CAST: variants seen among roughly 807,000 people sequenced by gnomAD.
The protein encoded by CAST is calpastatin, also known as MIR583 host.
A neutral mutation model predicts 119.6 loss-of-function variants in CAST; 76 were observed. The observed-to-expected ratio is 0.64, with a 90% CI of 0.53 to 0.77. The LOEUF (loss-of-function observed/expected upper bound fraction) is 0.77. CAST is among the 30% of genes least tolerant of loss of function. The pLI is 0.00. For missense variants in CAST, 953 were observed against 946.5 expected (o/e 1.01, Z -0.09); for synonymous variants, 319 against 331.6 (o/e 0.96, Z 0.41).
At chr5:96,320,648 A>T in the CAST span, among the ~76,000 whole-genome samples, 110 of 152,324 alleles carry the variant, frequency 7.2e-4, 1 homozygote, top group Non-Finnish European at 1.6e-4. Context: ...AATATAGGCT[A>T]AATTCAAGAT....
the CAST span, among the ~76,000 whole-genome samples, chr5:96,183,766 T>A: frequency 2.0e-5 from 3 of 152,240 alleles, no homozygotes; most frequent in African/African-American, 7.2e-5. Context: ...ACATATTGAA[T>A]AATTGTCAAA....
At chr5:96,439,604 C>A in the CAST span, among the ~76,000 whole-genome samples, 1 of 152,162 alleles carries the variant, frequency 6.6e-6, no homozygotes. Flanking sequence ...TGTCACCCAG[C>A]AAAGAGACTG....
chr5:96,220,768 T>G, the CAST span, among the ~76,000 whole-genome samples: 1 of 152,224 alleles, frequency 6.6e-6, no homozygotes, highest in Non-Finnish European at 1.5e-5. Flanking sequence ...GTTGGCTATT[T>G]AGTGAGACTA....
At chr5:96,095,819 T>A in the CAST span, among the ~76,000 whole-genome samples, 2 of 151,114 alleles carry the variant, frequency 1.3e-5, no homozygotes, top group Admixed American at 1.3e-4. Flanking sequence ...GACATAACAT[T>A]AAAAAAAAAT....
At chr5:96,385,470 C>A in the CAST span, among the ~76,000 whole-genome samples, 1,101 of 152,302 alleles carry the variant, frequency 7.2e-3, 11 homozygotes, top group African/African-American at 0.026. Context: ...ACTGTACAAC[C>A]TTTGGCAAAT....
At position 96,741,537 on chromosome 5, in the gene CAST, G is replaced by C. The variant is rs1385687480; in HGVS notation, c.1055G>C (p.Arg352Thr). The C allele has an allele frequency of 6.2e-7, 1 of 1,613,832 alleles. No individual in the cohort carries two copies. The highest frequency in any genetic ancestry group is 1.1e-5 in the South Asian group (1 of 91,048). Residue 352 changes from arginine to threonine, a missense_variant, in exon 15 of 32, where the codon AGA becomes ACA. By Grantham distance (71) the Arg-to-Thr change is moderately conservative. Transcript: ENST00000675179. ...AAAGCTCAGTCAGCAGGGACAGTCAGAAGTGCTGCTCCACCCCAAGAGAAG... is the reference window on the plus strand; with the variant it reads ...AAAGCTCAGTCAGCAGGGACAGTCACAAGTGCTGCTCCACCCCAAGAGAAG... ...VLKAQSAGTV[R>T]SAAPPQEKKR... is the part of the protein sequence containing the mutation.
Position 96,710,788 on chromosome 5 carries a change from T to C in CAST, c.211-11851T>C, listed in dbSNP as rs112906010. 4.3e-3 allele frequency among the ~76,000 whole-genome samples: 652 copies of C among 152,268 alleles called. 11 individuals are homozygous for C. Among genetic ancestry groups the C allele is most frequent in the African/African-American group, 0.015 (616 of 41,544 alleles). On this transcript the variant is annotated intron_variant, in intron 3 of 31. Transcript: ENST00000675179. ...AAAACTAAATATCTTCCACATGATA[T>C]CTTACTCTAACCTTGAGTTTTTAAT... is the stretch of plus-strand genomic sequence containing the variant.
At chr5:95,992,406 C>A in the CAST span, among the ~76,000 whole-genome samples, 1 of 142,208 alleles carries the variant, frequency 7.0e-6, no homozygotes, top group Non-Finnish European at 1.5e-5. Context: ...CTTCTCTATG[C>A]TTTTTTTTTT....
intron 1 of CAST, among the ~76,000 whole-genome samples, chr5:96,613,139 C>T (rs907712238): frequency 7.2e-5 from 11 of 152,224 alleles, no homozygotes; most frequent in African/African-American, 2.7e-4. Flanking sequence ...GAGTGACCCT[C>T]TCCATCTTCT....
chr5:96,583,212 A>G (rs1482308042), intron 1 of CAST, among the ~76,000 whole-genome samples: 1 of 146,364 alleles, frequency 6.8e-6, no homozygotes, highest in Non-Finnish European at 1.5e-5. Flanking sequence ...TTCTTCTCTT[A>G]TTCTTTTTTT....
chr5:96,633,579 A>G (rs1279086507), intron 1 of CAST, among the ~76,000 whole-genome samples: 2 of 152,230 alleles, frequency 1.3e-5, no homozygotes, highest in Non-Finnish European at 2.9e-5. Flanking sequence ...AACTCCATTC[A>G]ATGTCATGTC....
At chr5:96,401,919 T>G in the CAST span, among the ~76,000 whole-genome samples, 1 of 152,192 alleles carries the variant, frequency 6.6e-6, no homozygotes, top group Non-Finnish European at 1.5e-5. Context: ...AAATATAATT[T>G]TAAAACATAT....
At chr5:96,465,576 T>C in the CAST span, among the ~76,000 whole-genome samples, 1 of 152,158 alleles carries the variant, frequency 6.6e-6, no homozygotes, top group Non-Finnish European at 1.5e-5. Flanking sequence ...CATGTGATCA[T>C]TTAATGCACT....
chr5:96,053,040 C>A, the CAST span, among the ~76,000 whole-genome samples: 1 of 152,160 alleles, frequency 6.6e-6, no homozygotes, highest in Non-Finnish European at 1.5e-5. Flanking sequence ...AGCTAGCATT[C>A]TGATTCCCAA....
At chr5:96,575,220 T>G (rs375644157) in intron 1 of CAST, among the ~76,000 whole-genome samples, 3 of 152,126 alleles carry the variant, frequency 2.0e-5, no homozygotes, top group African/African-American at 7.2e-5. Flanking sequence ...TTATTGTTAG[T>G]ATATAAAAAT....
At chr5:96,432,225 G>T in the CAST span, 1 of 1,072,788 alleles carries the variant, frequency 9.3e-7, no homozygotes, top group Non-Finnish European at 1.4e-6. Context: ...CTAGAGAGTC[G>T]CGGGGATAGA....
At chr5:95,973,617 A>G in the CAST span, among the ~76,000 whole-genome samples, 1 of 152,172 alleles carries the variant, frequency 6.6e-6, no homozygotes, top group African/African-American at 2.4e-5. Context: ...ATTTGCACCT[A>G]AGTAAAAAAA....
At chr5:96,713,126 A>G (rs566311753) in intron 3 of CAST, among the ~76,000 whole-genome samples, 177 of 144,830 alleles carry the variant, frequency 1.2e-3, no homozygotes, top group African/African-American at 4.2e-3. Flanking sequence ...CAGACCTCAG[A>G]ATTTCTCTTT....
At chr5:96,068,593 A>ATGTGTGTGTGTGTGTGTGTG in the CAST span, among the ~76,000 whole-genome samples, 18 of 142,268 alleles carry the variant, frequency 1.3e-4, no homozygotes, top group African/African-American at 4.2e-4. Context: ...CAATAGGATT[A>ATGTGTGTGTGTGTGTGTGTG]TGTGTGTGTG....
Sources: allele counts gnomAD v4.1 joint callset (sites outside exome capture counted in the v4.1 genomes callset), GRCh38; gene constraint gnomAD v4.1.1; transcripts MANE v1.5; gene names NCBI Gene and HGNC (gene_info 2026-07-23, HGNC 2026-07-21).